Variants in CFAP44 observed in about 807,000 individuals in gnomAD.
CFAP44 encodes cilia- and flagella-associated protein 44.
In CFAP44, 134 loss-of-function variants were observed where a neutral mutation model predicts 216.2. The observed-to-expected ratio is 0.62, with a 90% CI of 0.54 to 0.72. The LOEUF is 0.72. CFAP44 is among the 30% of genes least tolerant of loss of function. The pLI is 0.00. For synonymous variants in CFAP44, 700 were observed against 727.6 expected (o/e 0.96, Z 0.61); for missense variants, 2,035 against 2,182.1 (o/e 0.93, Z 1.34).
chr3:113,348,268 C>G (rs1034027271), intron 22 of CFAP44, among the ~76,000 whole-genome samples: 2 of 152,274 alleles, frequency 1.3e-5, no homozygotes, highest in Admixed American at 6.5e-5. Flanking sequence ...CAGGCATCAA[C>G]AGGCTCACCC....
At chr3:113,372,285 T>C (rs967875369) in intron 18 of CFAP44, among the ~76,000 whole-genome samples, 6 of 152,218 alleles carry the variant, frequency 3.9e-5, no homozygotes, top group Non-Finnish European at 7.3e-5. Context: ...CATACGTATG[T>C]TTATTGCAGC....
chr3:113,287,429 TAA>T lies in CFAP44; in HGVS notation c.*4126_*4127del, dbSNP rs1949778181. ...AAAAACAAACACTGTAACTTCTAAATAAATGTTTAGTCTTCCCTGTAACCTTC... is the reference window on the plus strand; with the variant it reads ...AAAAACAAACACTGTAACTTCTAAATATGTTTAGTCTTCCCTGTAACCTTC... On this transcript the variant is annotated 3_prime_UTR_variant, in exon 35 of 35. Transcript: ENST00000393845. 1 of 155,434 alleles carries T rather than the reference TAA, an allele frequency of 6.4e-6. No homozygotes were observed. Among genetic ancestry groups the T allele is most frequent in the South Asian group, 1.9e-4 (1 of 5,172 alleles). The allele number at this position is 155,434 out of a possible 1,614,324, so 9.6% of individuals were successfully genotyped here.
In CFAP44 at chr3:113,363,275, T is replaced by A; in HGVS notation, c.2804A>T (p.Asp935Val). 2 of 1,612,258 alleles carry A rather than the reference T, an allele frequency of 1.2e-6. No individual in the cohort carries two copies. Among genetic ancestry groups the A allele is most frequent in the Admixed American group, 3.3e-5 (2 of 59,712 alleles). Residue 935 changes from aspartate to valine, a missense_variant, in exon 21 of 35, where the codon GAC (aspartate) becomes GTC (valine). Transcript: ENST00000393845. ...IENARRKREH[D>V]KLMKEVGEIK... ...TTCTCCCACTTCTTTCATTAACTTGTCATGTTCTCTTTTTCTCCTAGCATT... is the reference window on the plus strand; with the variant it reads ...TTCTCCCACTTCTTTCATTAACTTGACATGTTCTCTTTTTCTCCTAGCATT...
chr3:113,427,572 T>C (rs1934996738), intron 2 of CFAP44: 1 of 398,730 alleles, frequency 2.5e-6, no homozygotes, highest in Non-Finnish European at 4.4e-6. Context: ...TTCCTATCAT[T>C]AAATACTTAC....
At position 113,344,637 on chromosome 3, in the gene CFAP44, C is replaced by A; in HGVS notation, c.3141G>T (p.Arg1047Ser). 1 of 1,537,008 alleles carries A rather than the reference C, an allele frequency of 6.5e-7. No individual in the cohort carries two copies. The highest frequency in any genetic ancestry group is 8.7e-7 in the Non-Finnish European group (1 of 1,146,818). Residue 1047 changes from arginine (R) to serine (S), a missense_variant, in exon 23 of 35, where the codon AGG becomes AGT. Coordinates refer to ENST00000393845, the MANE Select transcript of CFAP44 (RefSeq NM_001164496.2). Reference protein sequence around the residue: ...ILSDHKISSYRLVQPSKYSKF... With the variant: ...ILSDHKISSYSLVQPSKYSKF... Reference sequence around the variant, plus strand: ...TGGAGTACTTAGAGGGCTGCACCAGCCTGTAAGAGGATATCTTGTGGTCAC... The same window carrying A: ...TGGAGTACTTAGAGGGCTGCACCAGACTGTAAGAGGATATCTTGTGGTCAC...
chr3:113,412,478 G>A (rs1335068026), intron 6 of CFAP44, among the ~76,000 whole-genome samples: 1 of 151,250 alleles, frequency 6.6e-6, no homozygotes, highest in Non-Finnish European at 1.5e-5. Context: ...TGTGTGCCAT[G>A]GTGGTCTGCT....
Position 113,400,650 on chromosome 3 carries a change from AATAG to A in CFAP44, c.1375-10_1375-7del. The A allele has an allele frequency of 6.2e-7, 1 of 1,607,816 alleles. No individual in the cohort carries two copies. The highest frequency in any genetic ancestry group is 8.5e-7 in the Non-Finnish European group (1 of 1,176,618). ...AGGCATTCTGGGTCCTGGGTCTGAG[AATAG>A]ATAGACAGCTTACTAGATCTCAAAG... On this transcript the variant is annotated splice_polypyrimidine_tract_variant and splice_region_variant and intron_variant, in intron 11 of 34. Coordinates refer to ENST00000393845, the MANE Select transcript of CFAP44 (RefSeq NM_001164496.2).
intron 7 of CFAP44, among the ~76,000 whole-genome samples, chr3:113,407,422 G>C (rs910203381): frequency 6.6e-6 from 1 of 152,180 alleles, no homozygotes; most frequent in Non-Finnish European, 1.5e-5. Flanking sequence ...GTAACTACAT[G>C]TGGCTGGCAG....
chr3:113,360,883 T>A (rs7615891), intron 21 of CFAP44: 2 of 195,646 alleles, frequency 1.0e-5, no homozygotes, highest in Non-Finnish European at 1.1e-5. Context: ...TCTTTTTGTG[T>A]GGTGGAAACT....
chr3:113,389,066 G>T (rs1168325887), intron 15 of CFAP44, among the ~76,000 whole-genome samples: 2 of 152,128 alleles, frequency 1.3e-5, no homozygotes, highest in Non-Finnish European at 2.9e-5. Context: ...AATGGCTGCA[G>T]AATACACATT....
intron 13 of CFAP44, among the ~76,000 whole-genome samples, chr3:113,397,659 G>A (rs1303827707): frequency 6.6e-6 from 1 of 152,170 alleles, no homozygotes; most frequent in African/African-American, 2.4e-5. Context: ...GAAGATGAGG[G>A]ATATGAACAT....
chr3:113,401,558 A>G (rs767741701), intron 10 of CFAP44, 26 bp downstream of exon 10: 8 of 1,610,536 alleles, frequency 5.0e-6, no homozygotes, highest in Non-Finnish European at 8.5e-7. Context: ...AATGTTAAAG[A>G]GCCAAGAGAC....
chr3:113,320,472 T>TA lies in CFAP44; in HGVS notation c.4516+5972_4516+5973insT, dbSNP rs1950134511. The stretch of plus-strand genomic sequence containing the variant: ...ATATATTACATCTATATATCATATA[T>TA]GATATATATGATATATAGATGTAAT... On this transcript the variant is annotated intron_variant, in intron 28 of 34. Transcript: ENST00000393845. Among the ~76,000 whole-genome samples the TA allele has an allele frequency of 5.8e-5, 5 of 86,802 alleles. No homozygotes were observed. In the South Asian group the frequency reaches 1.2e-3, roughly 21 times the overall value. 56.9% of individuals were successfully genotyped at this position (86,802 alleles called of 152,430 possible). A position where few individuals can be genotyped will look rare whatever the true frequency, so the allele number is the denominator to read the frequency against.
At chr3:113,427,951 C>T (rs998636681) in intron 2 of CFAP44, among the ~76,000 whole-genome samples, 26 of 152,116 alleles carry the variant, frequency 1.7e-4, no homozygotes, top group African/African-American at 6.0e-4. Context: ...AAATGTACTA[C>T]TAGGTACCAG....
chr3:113,382,408 C>G (rs1005650890), intron 15 of CFAP44, among the ~76,000 whole-genome samples: 8 of 152,054 alleles, frequency 5.3e-5, no homozygotes, highest in Non-Finnish European at 1.0e-4. Context: ...GACTAGAAGT[C>G]AGGTAAGAGC....
intron 30 of CFAP44, 117 bp from the exon 31 acceptor site, chr3:113,305,269 G>T: frequency 1.2e-6 from 1 of 866,344 alleles, no homozygotes; most frequent in Non-Finnish European, 1.8e-6. Flanking sequence ...GCTTTGTTGG[G>T]CTGTGATTAA....
At position 113,420,030 on chromosome 3, in the gene CFAP44, A is replaced by G. The variant is rs1410374895; in HGVS notation, c.557T>C (p.Ile186Thr). 5.0e-6 allele frequency: 8 copies of G among 1,613,202 alleles called. No homozygotes were observed. The highest frequency in any genetic ancestry group is 1.7e-4 in the Middle Eastern group (1 of 6,028). ...IYLRSSSGEG[I>T]GVIGVHPHKT... ...TTGAAGGCATACCCCAATGACGCCA[A>G]TTCCTTCACCACTGCTACTTCGCAG... is the stretch of plus-strand genomic sequence containing the variant. Residue 186 changes from isoleucine to threonine, a missense_variant, in exon 5 of 35, where the codon ATT (isoleucine) becomes ACT (threonine). Around this residue, in one of 3 missense-constraint regions of CFAP44, gnomAD observed 1,883 missense variants for 2,023.7 expected, o/e 0.93. Transcript: ENST00000393845.
In CFAP44 at chr3:113,302,841, G is replaced by A. The variant is rs975344559; in HGVS notation, c.5077+1075C>T. ...TTACAAACTAGAAGAGATTTGCAGT[G>A]CATTCAATGGACAAAAAGGATATAT... On this transcript the variant is annotated intron_variant, in intron 32 of 34. Transcript: ENST00000393845. 1.4e-4 allele frequency among the ~76,000 whole-genome samples: 21 copies of A among 150,940 alleles called. 1 individual carries two copies. Among genetic ancestry groups the A allele is most frequent in the Non-Finnish European group, 1.2e-4 (8 of 67,756 alleles).
chr3:113,416,653 A>G, intron 5 of CFAP44, 26 bp from the exon 6 acceptor site: 1 of 1,499,436 alleles, frequency 6.7e-7, no homozygotes, highest in Non-Finnish European at 9.2e-7. Context: ...TTTCACCAAA[A>G]TATTAAAAGA....
Sources: gnomAD v4.1 joint callset for allele counts (sites outside exome capture counted in the v4.1 genomes callset) on GRCh38, gnomAD v4.1.1 for gene constraint, gnomAD v4.1.1 regional missense constraint, MANE v1.5 for transcripts, NCBI Gene and HGNC (gene_info 2026-07-23, HGNC 2026-07-21) for gene names.